EFHC2: variants seen among roughly 807,000 people sequenced by gnomAD.
EFHC2 encodes EF-hand domain-containing family member C2.
EFHC2 carries 18 observed loss-of-function variants against 52.7 expected under a neutral mutation model. The ratio of observed to expected loss-of-function variants is 0.34; its 90% CI spans 0.24 to 0.51. EFHC2 has a LOEUF of 0.51. Ranked by LOEUF, EFHC2 falls within the 20% of genes least tolerant of loss-of-function variation. The pLI is 0.97. For missense variants in EFHC2, 513 were observed against 562.5 expected, an observed-to-expected ratio of 0.91 and a Z score of 0.89; for synonymous variants, 203 against 204.1, an observed-to-expected ratio of 0.99 and a Z score of 0.04.
intron 11 of EFHC2, among the ~76,000 whole-genome samples, chrX:44,210,786 C>T (rs1352082473): frequency 8.9e-6 from 1 of 112,124 alleles, no homozygotes; most frequent in Admixed American, 9.4e-5. Context: ...TTCTTAGATA[C>T]AATACCAATG....
At chrX:44,221,868 T>C (rs1242459386) in intron 11 of EFHC2, among the ~76,000 whole-genome samples, 1 of 112,106 alleles carries the variant, frequency 8.9e-6, no homozygotes, top group African/African-American at 3.2e-5. Flanking sequence ...CAGCAAATAG[T>C]ATTCCCCTTT....
At chrX:44,187,537 C>T (rs2036886469) in intron 11 of EFHC2, among the ~76,000 whole-genome samples, 1 of 111,380 alleles carries the variant, frequency 9.0e-6, no homozygotes, top group Non-Finnish European at 1.9e-5. Flanking sequence ...TTATTCCCTT[C>T]GGATGGTGTT....
rs1317349959 is a variant in EFHC2, at chrX:44,163,979, G to C, written c.2091C>G (p.Ala697=). 1 of 1,163,103 alleles carries C rather than the reference G, an allele frequency of 8.6e-7. No individual in the cohort carries two copies. The highest frequency in any genetic ancestry group is 1.8e-5 in the African/African-American group (1 of 55,858). ...GCACTGGATTCTTTCTCCAGTTCAG[G>C]GCAGAGAAAAATGACTTATAATCTA... ...KQIDYKSFFS[A]LNWRKNPVPE... The change falls in exon 14 of 15, where the codon GCC becomes GCG. Residue 697 remains alanine, a synonymous_variant. Transcript: ENST00000420999.
chrX:44,283,690 T>C (rs1263987153), intron 2 of EFHC2, among the ~76,000 whole-genome samples: 1 of 99,650 alleles, frequency 1.0e-5, no homozygotes, highest in Non-Finnish European at 2.0e-5. Flanking sequence ...TTTTTTTTTT[T>C]TTTTTACATC....
At chrX:44,169,706 T>C (rs181737388) in intron 13 of EFHC2, among the ~76,000 whole-genome samples, 6 of 102,338 alleles carry the variant, frequency 5.9e-5, no homozygotes, top group Admixed American at 3.2e-4. Flanking sequence ...ACAATGAATC[T>C]ATATATAGCT....
At chrX:44,161,759 T>C (rs2036657027) in intron 14 of EFHC2, among the ~76,000 whole-genome samples, 1 of 112,339 alleles carries the variant, frequency 8.9e-6, no homozygotes, top group Admixed American at 9.4e-5. Context: ...ATCTACCATG[T>C]TTCTATTTGT....
chrX:44,240,277 C>T (rs1349705384), intron 8 of EFHC2, among the ~76,000 whole-genome samples: 1 of 111,557 alleles, frequency 9.0e-6, no homozygotes, highest in Non-Finnish European at 1.9e-5. Context: ...ATTCCTGGCA[C>T]AGATTGAGCA....
intron 2 of EFHC2, among the ~76,000 whole-genome samples, chrX:44,273,804 CT>C (rs1569298455): frequency 8.9e-6 from 1 of 111,755 alleles, no homozygotes; most frequent in Non-Finnish European, 1.9e-5. Flanking sequence ...TAAATATTCT[CT>C]TTGTCTCTCA....
intron 13 of EFHC2, among the ~76,000 whole-genome samples, chrX:44,175,592 A>G (rs765380427): frequency 8.9e-6 from 1 of 112,103 alleles, no homozygotes; most frequent in East Asian, 2.8e-4. Flanking sequence ...GAAGGATAAC[A>G]GTTTCGACCT....
At chrX:44,209,086 T>TGTGTGTGTG (rs2037074438) in intron 11 of EFHC2, among the ~76,000 whole-genome samples, 1 of 89,187 alleles carries the variant, frequency 1.1e-5, no homozygotes, top group Non-Finnish European at 2.2e-5. Flanking sequence ...TGTGTGTGTG[T>TGTGTGTGTG]TAACCTAGAC....
intron 13 of EFHC2, among the ~76,000 whole-genome samples, chrX:44,172,416 C>T (rs2036752730): frequency 8.9e-6 from 1 of 112,509 alleles, no homozygotes; most frequent in South Asian, 3.7e-4. Flanking sequence ...CAAATGAAGG[C>T]TCAGAGGGGT....
At chrX:44,292,603 C>G (rs779129069) in intron 2 of EFHC2, among the ~76,000 whole-genome samples, 30 of 111,696 alleles carry the variant, frequency 2.7e-4, no homozygotes, top group African/African-American at 9.4e-4. Flanking sequence ...CACTTATTCA[C>G]ATGTGATATG....
chrX:44,170,507 T>C (rs1231497753), intron 13 of EFHC2, among the ~76,000 whole-genome samples: 1 of 110,388 alleles, frequency 9.1e-6, no homozygotes, highest in Non-Finnish European at 1.9e-5. Context: ...AATCAATCAG[T>C]CAGTGACTAG....
At chrX:44,189,745 G>A (rs898075804) in intron 11 of EFHC2, among the ~76,000 whole-genome samples, 3 of 111,209 alleles carry the variant, frequency 2.7e-5, no homozygotes, top group Non-Finnish European at 3.8e-5. Flanking sequence ...TGAGTGTTAG[G>A]GAGACAGGGC....
chrX:44,209,016 AATCTGTGTGTGT>A (rs1186796688), intron 11 of EFHC2, among the ~76,000 whole-genome samples: 1 of 85,887 alleles, frequency 1.2e-5, no homozygotes, highest in East Asian at 4.3e-4. Flanking sequence ...GTTGATTGGC[AATCTGTGTGTGT>A]GTGTGTGTGT....
At chrX:44,219,948 C>A (rs755633880) in intron 11 of EFHC2, among the ~76,000 whole-genome samples, 105 of 111,376 alleles carry the variant, frequency 9.4e-4, no homozygotes, top group Non-Finnish European at 1.9e-3. Context: ...AAAAAATGTT[C>A]TTTCTGAAAA....
chrX:44,252,391 T>A (rs762425816), intron 4 of EFHC2, among the ~76,000 whole-genome samples: 3 of 112,187 alleles, frequency 2.7e-5, no homozygotes, highest in African/African-American at 9.7e-5. Context: ...GAGGGCAGTC[T>A]AGGTGCAGTC....
intron 4 of EFHC2, among the ~76,000 whole-genome samples, chrX:44,258,984 A>G (rs1383605387): frequency 4.5e-5 from 5 of 111,758 alleles, no homozygotes; most frequent in Non-Finnish European, 1.9e-5. Flanking sequence ...TGTGGAAGAC[A>G]GTGTGGCAAT....
intron 14 of EFHC2, among the ~76,000 whole-genome samples, chrX:44,158,116 A>T (rs986519555): frequency 1.8e-5 from 2 of 111,202 alleles, no homozygotes; most frequent in Admixed American, 9.5e-5. Flanking sequence ...TCACCCCATG[A>T]TGGTTAGTCA....
Sources: allele counts gnomAD v4.1 joint callset (sites outside exome capture counted in the v4.1 genomes callset), GRCh38; gene constraint gnomAD v4.1.1; transcripts MANE v1.5; gene names NCBI Gene and HGNC (gene_info 2026-07-23, HGNC 2026-07-21).